Variants in ITPR3 observed in about 807,000 individuals in gnomAD.
ITPR3 encodes inositol 1,4,5-trisphosphate receptor type 3, also known as inositol 1,4,5-trisphosphate-gated calcium channel ITPR3.
In ITPR3, 173 loss-of-function variants were observed where a neutral mutation model predicts 293.2. The ratio of observed to expected loss-of-function variants is 0.59; its 90% CI spans 0.52 to 0.67. ITPR3 has a LOEUF of 0.67. Ranked by LOEUF, ITPR3 falls within the 30% of genes least tolerant of loss-of-function variation. The probability of loss-of-function intolerance (pLI) is 0.00; values close to 1 mark genes in which losing one functional copy is unlikely to be tolerated. For missense variants in ITPR3, 2,796 were observed against 3,592.1 expected, an observed-to-expected ratio of 0.78 and a Z score of 5.66; for synonymous variants, 1,295 against 1,444.4, an observed-to-expected ratio of 0.90 and a Z score of 2.35.
chr6:33,629,258 T>A (rs1763617204), intron 1 of ITPR3, among the ~76,000 whole-genome samples: 1 of 152,160 alleles, frequency 6.6e-6, no homozygotes, highest in Non-Finnish European at 1.5e-5. Flanking sequence ...TTATTATACA[T>A]CCCTATGTAA....
chr6:33,675,570 C>T lies in ITPR3; in HGVS notation c.3117-121C>T. On this transcript the variant is annotated intron_variant, in intron 24 of 57. Coordinates refer to ENST00000605930, the MANE Select transcript of ITPR3 (RefSeq NM_002224.4). The surrounding 1 kb of genome is among the most constrained non-coding windows in gnomAD (Gnocchi z 5.0). ...TGTCAATATTTTAAACACATTTAGACTGGCCCTGCATCTGCTAATTGGGTG... is the reference window on the plus strand; with the variant it reads ...TGTCAATATTTTAAACACATTTAGATTGGCCCTGCATCTGCTAATTGGGTG... The T allele has an allele frequency of 9.5e-7, 1 of 1,056,122 alleles. No homozygotes were observed. Among genetic ancestry groups the T allele is most frequent in the Non-Finnish European group, 1.3e-6 (1 of 743,600 alleles). 65.4% of individuals were successfully genotyped at this position (1,056,122 alleles called of 1,614,324 possible).
rs749396644 is a variant in ITPR3, at chr6:33,659,462, G to A, written c.628-4G>A. 147 of 1,613,736 alleles carry A rather than the reference G, an allele frequency of 9.1e-5. No individual in the cohort carries two copies. Among genetic ancestry groups the A allele is most frequent in the Admixed American group, 6.8e-4 (41 of 59,996 alleles). On this transcript the variant is annotated splice_region_variant and splice_polypyrimidine_tract_variant and intron_variant, in intron 6 of 57. Coordinates refer to ENST00000605930, the MANE Select transcript of ITPR3 (RefSeq NM_002224.4). Reference sequence around the variant, plus strand: ...GCGTCACGGGTCTTGTCACCCTTCCGCAGGTCAATTCTGTGAACTGCAACA... The same window carrying A: ...GCGTCACGGGTCTTGTCACCCTTCCACAGGTCAATTCTGTGAACTGCAACA...
chr6:33,627,035 T>C (rs2151275651), intron 1 of ITPR3, among the ~76,000 whole-genome samples: 1 of 152,290 alleles, frequency 6.6e-6, no homozygotes, highest in East Asian at 1.9e-4. Context: ...CTTGAACTGC[T>C]GACCTCAGGT....
In ITPR3 at chr6:33,670,451, C is replaced by A. The variant is rs200896794; in HGVS notation, c.2316C>A (p.Asp772Glu). ...LCMADEMLPFDLRASFCHLML... is the reference protein window; with the variant it reads ...LCMADEMLPFELRASFCHLML... ...TGGCAGACGAGATGCTGCCCTTTGA[C>A]CTGCGCGCCTCCTTCTGCCACCTGA... Residue 772 changes from aspartate to glutamate, a missense_variant, in exon 19 of 58, where the codon GAC becomes GAA. Coordinates refer to ENST00000605930, the MANE Select transcript of ITPR3 (RefSeq NM_002224.4). This position sits in a 1 kb window ranked among gnomAD's most constrained non-coding sequence, Gnocchi z 6.7. 1.2e-6 allele frequency: 2 copies of A among 1,614,110 alleles called. No homozygotes were observed. Among genetic ancestry groups the A allele is most frequent in the East Asian group, 4.5e-5 (2 of 44,868 alleles).
At position 33,667,723 on chromosome 6, in the gene ITPR3, T is replaced by C; in HGVS notation, c.1714-69T>C. The C allele has an allele frequency of 6.4e-7, 1 of 1,571,864 alleles. No individual in the cohort carries two copies. Among genetic ancestry groups the C allele is most frequent in the Non-Finnish European group, 8.7e-7 (1 of 1,151,602 alleles). On this transcript the variant is annotated intron_variant, in intron 15 of 57. Coordinates refer to ENST00000605930, the MANE Select transcript of ITPR3 (RefSeq NM_002224.4). The surrounding 1 kb of genome is among the most constrained non-coding windows in gnomAD (Gnocchi z 4.4). ...TTACCTCGGGGTTTGGGGGCAGCGT[T>C]CCAGAGCAGAGCTGGGCCCTTGGCC...
At chr6:33,628,499 C>G (rs1304157383) in intron 1 of ITPR3, among the ~76,000 whole-genome samples, 3 of 152,216 alleles carry the variant, frequency 2.0e-5, no homozygotes, top group African/African-American at 7.2e-5. Context: ...CAGCAGGGGA[C>G]TGAGAAGAGA....
At chr6:33,694,688 CGCTGCCTAACG>C in intron 56 of ITPR3, 3 of 543,666 alleles carry the variant, frequency 5.5e-6, no homozygotes, top group Admixed American at 3.2e-5. Context: ...CAGCTGCCGA[CGCTGCCTAACG>C]GAAGTCAGCC....
intron 56 of ITPR3, chr6:33,694,697 A>G (rs1765489234): frequency 7.2e-6 from 4 of 553,080 alleles, no homozygotes; most frequent in South Asian, 6.8e-5. Flanking sequence ...ACGCTGCCTA[A>G]CGGAAGTCAG....
intron 7 of ITPR3, among the ~76,000 whole-genome samples, chr6:33,662,116 C>A (rs1450089048): frequency 6.6e-6 from 1 of 151,512 alleles, no homozygotes; most frequent in African/African-American, 2.4e-5. Context: ...CATGAGCTAC[C>A]AATATTTAGG....
Position 33,664,800 on chromosome 6 carries a change from T to C in ITPR3, c.1149-70T>C, listed in dbSNP as rs931192675. 39 of 1,365,130 alleles carry C rather than the reference T, an allele frequency of 2.9e-5. 2 individuals carry two copies. In the Admixed American group the frequency reaches 3.1e-4, roughly 11 times the overall value. 84.6% of individuals were successfully genotyped at this position (1,365,130 alleles called of 1,614,324 possible). On this transcript the variant is annotated intron_variant, in intron 11 of 57. Coordinates refer to ENST00000605930, the MANE Select transcript of ITPR3 (RefSeq NM_002224.4). The surrounding 1 kb of genome is among the most constrained non-coding windows in gnomAD (Gnocchi z 4.4). The stretch of plus-strand genomic sequence containing the variant: ...GGCAGCTGTGGCAGTGTTGGGGAGG[T>C]AGGCCGGCAGGCAGCATGACGTGCT...
chr6:33,656,142 AAAAAAT>A (rs1350183893), intron 3 of ITPR3, among the ~76,000 whole-genome samples: 1 of 152,208 alleles, frequency 6.6e-6, no homozygotes. Context: ...AAAAATTAAT[AAAAAAT>A]AAAAATAAAA....
chr6:33,651,904 G>A (rs1347235523), intron 2 of ITPR3, among the ~76,000 whole-genome samples: 2 of 152,150 alleles, frequency 1.3e-5, no homozygotes, highest in African/African-American at 4.8e-5. Flanking sequence ...TTATTTCTTA[G>A]GTGAGTCAAG....
Position 33,687,341 on chromosome 6 carries a change from C to G in ITPR3, c.6177+14C>G. On this transcript the variant is annotated intron_variant, in intron 45 of 57. Transcript: ENST00000605930. This position sits in a 1 kb window ranked among gnomAD's most constrained non-coding sequence, Gnocchi z 5.3. ...CTGGCGCTGCAGGTACCAGTTCCAC[C>G]CGTGGCAACGGCCATCACCCCCCTG... The G allele has an allele frequency of 1.9e-6, 3 of 1,588,064 alleles. No individual in the cohort carries two copies. Among genetic ancestry groups the G allele is most frequent in the Non-Finnish European group, 2.6e-6 (3 of 1,159,284 alleles).
Position 33,686,034 on chromosome 6 carries a change from A to G in ITPR3, c.5668-19A>G. ...CCGTGCTGTAGCTGTGCTGTGCCCAACCCTTCTGTGCCCCGCAGAACTTCC... is the reference window on the plus strand; with the variant it reads ...CCGTGCTGTAGCTGTGCTGTGCCCAGCCCTTCTGTGCCCCGCAGAACTTCC... On this transcript the variant is annotated intron_variant, in intron 41 of 57. Coordinates refer to ENST00000605930, the MANE Select transcript of ITPR3 (RefSeq NM_002224.4). The G allele has an allele frequency of 6.2e-7, 1 of 1,613,428 alleles. No individual in the cohort carries two copies. Among genetic ancestry groups the G allele is most frequent in the Non-Finnish European group, 8.5e-7 (1 of 1,179,780 alleles).
intron 2 of ITPR3, among the ~76,000 whole-genome samples, chr6:33,647,259 C>G (rs1029547250): frequency 2.0e-5 from 3 of 152,162 alleles, no homozygotes; most frequent in African/African-American, 7.2e-5. Flanking sequence ...CTCTTGGACT[C>G]AAGCAATCTG....
chr6:33,672,288 T>C lies in ITPR3; in HGVS notation c.2928+60T>C. ...TATAGGGGGAGGGTAATGGGGCGGG[T>C]ACAGGGAGGCTGGGCAGGGCGAACC... On this transcript the variant is annotated intron_variant, in intron 22 of 57. Coordinates refer to ENST00000605930, the MANE Select transcript of ITPR3 (RefSeq NM_002224.4). This position sits in a 1 kb window ranked among gnomAD's most constrained non-coding sequence, Gnocchi z 5.0. 5 of 1,040,982 alleles carry C rather than the reference T, an allele frequency of 4.8e-6. No homozygotes were observed. The highest frequency in any genetic ancestry group is 7.4e-6 in the Non-Finnish European group (5 of 676,900). The allele number at this position is 1,040,982 out of a possible 1,614,324, so 64.5% of individuals were successfully genotyped here. A position where few individuals can be genotyped will look rare whatever the true frequency, so the allele number is the denominator to read the frequency against.
rs57615419 is a variant in ITPR3, at chr6:33,683,073, TGG to T, written c.4598-127_4598-126del. ...TCAGTCCCTCAAGCATAGGCCGGGGTGGGGGGGGTCTCTGTCTCCCAGACCCT... is the reference window on the plus strand; with the variant it reads ...TCAGTCCCTCAAGCATAGGCCGGGGTGGGGGGTCTCTGTCTCCCAGACCCT... On this transcript the variant is annotated intron_variant, in intron 34 of 57. Transcript: ENST00000605930. The surrounding 1 kb of genome is among the most constrained non-coding windows in gnomAD (Gnocchi z 4.5). 2.1e-5 allele frequency: 12 copies of T among 567,756 alleles called. No homozygotes were observed. Among genetic ancestry groups the T allele is most frequent in the East Asian group, 1.0e-4 (3 of 29,314 alleles). 35.2% of individuals were successfully genotyped at this position (567,756 alleles called of 1,614,324 possible). A position where few individuals can be genotyped will look rare whatever the true frequency, so the allele number is the denominator to read the frequency against.
At chr6:33,647,273 G>T (rs1021817816) in intron 2 of ITPR3, among the ~76,000 whole-genome samples, 1 of 152,120 alleles carries the variant, frequency 6.6e-6, no homozygotes, top group African/African-American at 2.4e-5. Flanking sequence ...CAATCTGCCC[G>T]CTTCAACCTC....
intron 56 of ITPR3, 100 bp downstream of exon 56, chr6:33,693,805 T>A: frequency 7.1e-7 from 1 of 1,401,926 alleles, no homozygotes; most frequent in Non-Finnish European, 9.8e-7. Context: ...CTGAGTACCC[T>A]GGGCCCTGGA....
Sources: gnomAD v4.1 joint callset for allele counts (sites outside exome capture counted in the v4.1 genomes callset) on GRCh38, gnomAD v4.1.1 for gene constraint, Gnocchi (gnomAD v3.1) non-coding constraint, MANE v1.5 for transcripts, NCBI Gene and HGNC (gene_info 2026-07-23, HGNC 2026-07-21) for gene names.